The following ANK1 variants were observed in gnomAD, a reference collection of about 807,000 sequenced individuals.
ANK1 encodes ankyrin-1.
ANK1 carries 51 observed loss-of-function variants against 210.4 expected under a neutral mutation model. The ratio of observed to expected loss-of-function variants is 0.24; its 90% CI spans 0.19 to 0.31. ANK1 has a LOEUF of 0.31. Ranked by LOEUF, ANK1 falls within the 10% of genes least tolerant of loss-of-function variation. The pLI is 1.00. For synonymous variants in ANK1, 967 were observed against 1,025.9 expected, an observed-to-expected ratio of 0.94 and a Z score of 1.10; for missense variants, 2,051 against 2,504.4, an observed-to-expected ratio of 0.82 and a Z score of 3.86.
At chr8:41,833,906 T>A (rs1807135280) in intron 1 of ANK1, among the ~76,000 whole-genome samples, 1 of 151,954 alleles carries the variant, frequency 6.6e-6, no homozygotes, top group Non-Finnish European at 1.5e-5. Flanking sequence ...GACACTAGTA[T>A]GAAAGGAAAA....
At chr8:41,779,439 A>T (rs893236803) in intron 1 of ANK1, among the ~76,000 whole-genome samples, 1 of 151,726 alleles carries the variant, frequency 6.6e-6, no homozygotes, top group African/African-American at 2.4e-5. Context: ...TTTTTATTGA[A>T]ATGAGGATCT....
chr8:41,698,943 C>T (rs540116996), intron 23 of ANK1, among the ~76,000 whole-genome samples: 13 of 152,056 alleles, frequency 8.5e-5, no homozygotes, highest in African/African-American at 2.4e-4. Flanking sequence ...ACTACAGATG[C>T]GTGCTGCCAC....
chr8:41,701,448 G>T, intron 22 of ANK1, 102 bp downstream of exon 22: 1 of 1,015,146 alleles, frequency 9.9e-7, no homozygotes, highest in South Asian at 1.3e-5. Context: ...GTGCTTGGGC[G>T]TGTTGTAAGG....
chr8:41,822,555 A>AAAAT (rs1317307268), intron 1 of ANK1, among the ~76,000 whole-genome samples: 5 of 152,222 alleles, frequency 3.3e-5, no homozygotes, highest in African/African-American at 1.2e-4. Flanking sequence ...AACATACAAC[A>AAAAT]AAATAGAAAT....
intron 1 of ANK1, among the ~76,000 whole-genome samples, chr8:41,843,537 A>G (rs1382280966): frequency 6.6e-6 from 1 of 152,138 alleles, no homozygotes; most frequent in Non-Finnish European, 1.5e-5. Context: ...TCCATGGTGC[A>G]GACAGGGCAG....
At chr8:41,735,034 C>A (rs1833089693) in intron 2 of ANK1, among the ~76,000 whole-genome samples, 1 of 152,210 alleles carries the variant, frequency 6.6e-6, no homozygotes, top group Admixed American at 6.5e-5. Flanking sequence ...ATTTTCCTTG[C>A]CCAACCCTTA....
Position 41,692,663 on chromosome 8 carries a change from C to T in ANK1, c.3843G>A (p.Arg1281=), listed in dbSNP as rs1273548860. The change falls in exon 31 of 43, where the codon CGG becomes CGA. Residue 1281 remains arginine (R), a synonymous_variant. Coordinates refer to ENST00000289734, the MANE Select transcript of ANK1 (RefSeq NM_000037.4). Reference sequence around the variant, plus strand: ...GCCCTGTTACCTCTATGTCCCTGCTCCGGGCCACCTCCACGAAGTTCTCAT... The same window carrying T: ...GCCCTGTTACCTCTATGTCCCTGCTTCGGGCCACCTCCACGAAGTTCTCAT... ...EQHENFVEVA[R]SRDIEVLEGM... The T allele has an allele frequency of 1.2e-6, 2 of 1,613,708 alleles. No homozygotes were observed. Among genetic ancestry groups the T allele is most frequent in the Non-Finnish European group, 1.7e-6 (2 of 1,180,006 alleles).
intron 1 of ANK1, among the ~76,000 whole-genome samples, chr8:41,881,655 A>G (rs1673868121): frequency 6.6e-6 from 1 of 152,116 alleles, no homozygotes; most frequent in Admixed American, 6.5e-5. Flanking sequence ...TACTTATTTC[A>G]TTTTATTTAA....
intron 1 of ANK1, among the ~76,000 whole-genome samples, chr8:41,872,469 C>T (rs969096752): frequency 2.0e-5 from 3 of 152,208 alleles, no homozygotes; most frequent in African/African-American, 7.2e-5. Context: ...AGCCGGGGTT[C>T]GAATCTAGCC....
chr8:41,713,479 G>A (rs954417284), intron 16 of ANK1, among the ~76,000 whole-genome samples: 3 of 152,212 alleles, frequency 2.0e-5, no homozygotes, highest in Admixed American at 6.5e-5. Context: ...CAAGGGTCAC[G>A]GAACCTGCTG....
intron 39 of ANK1, chr8:41,665,328 A>G (rs886904375): frequency 7.4e-7 from 1 of 1,342,796 alleles, no homozygotes; most frequent in Middle Eastern, 2.0e-4. Context: ...CAGCTGCCGG[A>G]GCTGTCCAAC....
intron 2 of ANK1, among the ~76,000 whole-genome samples, chr8:41,740,671 T>C (rs991466327): frequency 6.6e-6 from 1 of 152,206 alleles, no homozygotes. Context: ...GTGCACTCTA[T>C]ATACACATTC....
chr8:41,892,490 G>A (rs115084654), intron 1 of ANK1, among the ~76,000 whole-genome samples: 2,314 of 152,184 alleles, frequency 0.015, 53 homozygotes, highest in African/African-American at 0.052. Context: ...TGGCTCCTTG[G>A]GACCCTGTGC....
chr8:41,887,819 A>C (rs1192287140), intron 1 of ANK1, among the ~76,000 whole-genome samples: 1 of 152,252 alleles, frequency 6.6e-6, no homozygotes, highest in East Asian at 1.9e-4. Context: ...ATTCTTAAAA[A>C]CATTTTAAGC....
At chr8:41,661,232 G>T in intron 42 of ANK1, 198 bp downstream of exon 42, 1 of 780,028 alleles carries the variant, frequency 1.3e-6, no homozygotes, top group Non-Finnish European at 2.0e-6. Flanking sequence ...TATTAACTCT[G>T]TTTCCTTGAT....
chr8:41,673,513 C>G (rs1195500119), intron 37 of ANK1, among the ~76,000 whole-genome samples: 1 of 152,180 alleles, frequency 6.6e-6, no homozygotes, highest in African/African-American at 2.4e-5. Flanking sequence ...TGTGGCCAGG[C>G]ATCACTTTCC....
At chr8:41,665,492 A>C in intron 39 of ANK1, 2 of 343,006 alleles carry the variant, frequency 5.8e-6, no homozygotes, top group Non-Finnish European at 5.8e-6. Context: ...GCCCATCCCC[A>C]TGGGAACTAG....
intron 1 of ANK1, among the ~76,000 whole-genome samples, chr8:41,856,805 G>A (rs988481815): frequency 2.7e-5 from 4 of 150,074 alleles, no homozygotes; most frequent in Admixed American, 2.0e-4. Flanking sequence ...CTGGTCCCAA[G>A]CATTCTGCAT....
At chr8:41,878,876 A>T (rs1296517319) in intron 1 of ANK1, among the ~76,000 whole-genome samples, 1 of 152,108 alleles carries the variant, frequency 6.6e-6, no homozygotes, top group Non-Finnish European at 1.5e-5. Context: ...CAGCCTGGCC[A>T]ACATGGTGAA....
Sources: gnomAD v4.1 joint callset for allele counts (sites outside exome capture counted in the v4.1 genomes callset) on GRCh38, gnomAD v4.1.1 for gene constraint, MANE v1.5 for transcripts, NCBI Gene and HGNC (gene_info 2026-07-23, HGNC 2026-07-21) for gene names.